ABI2: variants seen among roughly 807,000 people sequenced by gnomAD.
ABI2 encodes abl interactor 2.
A neutral mutation model predicts 59.2 loss-of-function variants in ABI2; 25 were observed. That is an observed-to-expected ratio of 0.42 (90% confidence interval 0.31 to 0.59). The LOEUF (loss-of-function observed/expected upper bound fraction) is 0.59, where lower values mean the gene tolerates loss of function less well. ABI2 is among the 20% of genes least tolerant of loss of function. The probability of loss-of-function intolerance (pLI) is 0.14; values close to 1 mark genes in which losing one functional copy is unlikely to be tolerated. For synonymous variants in ABI2, 213 were observed against 235.5 expected, an observed-to-expected ratio of 0.90 and a Z score of 0.87; for missense variants, 545 against 681.8, an observed-to-expected ratio of 0.80 and a Z score of 2.23.
chr2:203,335,620 C>T lies in ABI2; in HGVS notation c.117+6989C>T, dbSNP rs575367116. Among the ~76,000 whole-genome samples the T allele has an allele frequency of 8.5e-5, 13 of 152,110 alleles. No homozygotes were observed. In the East Asian group the frequency reaches 1.7e-3, roughly 20 times the overall value. On this transcript the variant is annotated intron_variant, in intron 1 of 11. Coordinates refer to ENST00000261018, the MANE Select transcript of ABI2 (RefSeq NM_001375670.1). ...TGTAAATTTACCTTGCAAGTTTTTTCCTATTTGATTTTTTGGTGACATTTA... is the reference window on the plus strand; with the variant it reads ...TGTAAATTTACCTTGCAAGTTTTTTTCTATTTGATTTTTTGGTGACATTTA...
intron 1 of ABI2, among the ~76,000 whole-genome samples, chr2:203,350,593 G>T (rs2152734257): frequency 6.7e-6 from 1 of 149,602 alleles, no homozygotes. Flanking sequence ...AGGCTAGAGT[G>T]TAGTGGCGTG....
chr2:203,352,356 TAACTG>T (rs1484082558), intron 1 of ABI2, among the ~76,000 whole-genome samples: 1 of 152,140 alleles, frequency 6.6e-6, no homozygotes, highest in Non-Finnish European at 1.5e-5. Context: ...AAAAAAAAGT[TAACTG>T]TAAAGGAGTC....
intron 3 of ABI2, among the ~76,000 whole-genome samples, chr2:203,381,005 GTATT>G (rs1320836537): frequency 6.6e-6 from 1 of 152,236 alleles, no homozygotes; most frequent in East Asian, 1.9e-4. Context: ...CTTTAGCTGA[GTATT>G]AATTTATGTC....
intron 1 of ABI2, among the ~76,000 whole-genome samples, chr2:203,363,828 G>A (rs1577083895): frequency 6.6e-6 from 1 of 151,960 alleles, no homozygotes; most frequent in African/African-American, 2.4e-5. Flanking sequence ...GCAATGGTGC[G>A]ATCTCGGCTC....
chr2:203,356,894 A>G (rs1379431256), intron 1 of ABI2, among the ~76,000 whole-genome samples: 1 of 152,102 alleles, frequency 6.6e-6, no homozygotes, highest in Non-Finnish European at 1.5e-5. Flanking sequence ...GATTATGCTT[A>G]CGTATGGTAC....
chr2:203,338,105 C>T (rs1359772432), intron 1 of ABI2, among the ~76,000 whole-genome samples: 3 of 152,100 alleles, frequency 2.0e-5, no homozygotes, highest in Non-Finnish European at 4.4e-5. Context: ...GAATGGAGCC[C>T]GGAAATGTAG....
chr2:203,345,214 A>G (rs1050394285), intron 1 of ABI2, among the ~76,000 whole-genome samples: 6 of 152,266 alleles, frequency 3.9e-5, no homozygotes, highest in Non-Finnish European at 7.4e-5. Flanking sequence ...CCACAAACTT[A>G]TCGGGAGGAA....
chr2:203,395,481 A>ACC (rs2096945320), intron 6 of ABI2, among the ~76,000 whole-genome samples, 175 bp from the exon 7 acceptor site: 3 of 150,486 alleles, frequency 2.0e-5, no homozygotes, highest in Non-Finnish European at 4.4e-5. Flanking sequence ...ACACACACAC[A>ACC]CACATTTTTT....
At chr2:203,345,161 C>G (rs1438517083) in intron 1 of ABI2, among the ~76,000 whole-genome samples, 2 of 152,198 alleles carry the variant, frequency 1.3e-5, no homozygotes, top group Non-Finnish European at 2.9e-5. Flanking sequence ...AGTTGTAACA[C>G]TCACATTGAA....
intron 2 of ABI2, among the ~76,000 whole-genome samples, chr2:203,378,755 C>A (rs912794308): frequency 3.9e-5 from 6 of 152,058 alleles, no homozygotes; most frequent in African/African-American, 1.4e-4. Flanking sequence ...AAAAATGTGT[C>A]TGTTGATTGC....
chr2:203,367,128 T>C (rs533498296), intron 2 of ABI2, 84 bp downstream of exon 2: 2 of 1,420,174 alleles, frequency 1.4e-6, no homozygotes, highest in East Asian at 5.1e-5. Flanking sequence ...CAGCTTTTAT[T>C]ATGTAAGTTA....
intron 1 of ABI2, among the ~76,000 whole-genome samples, chr2:203,338,924 GTGTGTA>G (rs2077726866): frequency 5.6e-5 from 5 of 89,208 alleles, no homozygotes; most frequent in East Asian, 9.6e-4. Flanking sequence ...GTGTGTGTGT[GTGTGTA>G]TATGTATATA....
At chr2:203,328,918 C>T (rs897613984) in intron 1 of ABI2, 2 of 264,572 alleles carry the variant, frequency 7.6e-6, no homozygotes, top group African/African-American at 2.2e-5. Flanking sequence ...CACTCCGCGC[C>T]GGTCAGCGTT....
At chr2:203,423,582 T>C (rs546388517) in intron 11 of ABI2, among the ~76,000 whole-genome samples, 8 of 152,306 alleles carry the variant, frequency 5.3e-5, no homozygotes, top group African/African-American at 1.2e-4. Flanking sequence ...CCGGCCACCA[T>C]GCCTGCTAAA....
intron 1 of ABI2, among the ~76,000 whole-genome samples, chr2:203,363,168 G>A (rs941514628): frequency 4.0e-5 from 6 of 151,582 alleles, no homozygotes; most frequent in Admixed American, 3.3e-4. Flanking sequence ...AAAATTTTTC[G>A]TGAGTATATA....
At chr2:203,344,840 C>CT (rs1559169400) in intron 1 of ABI2, among the ~76,000 whole-genome samples, 2 of 152,114 alleles carry the variant, frequency 1.3e-5, no homozygotes, top group Non-Finnish European at 2.9e-5. Context: ...TTTGTAAAAA[C>CT]GCACCAGTCA....
intron 2 of ABI2, among the ~76,000 whole-genome samples, chr2:203,379,280 C>G (rs1263299800): frequency 6.6e-6 from 1 of 152,170 alleles, no homozygotes; most frequent in East Asian, 1.9e-4. Flanking sequence ...CAGGGTCTTG[C>G]TCTGTCACCC....
Position 203,431,806 on chromosome 2 carries a change from G to C in ABI2, c.*4454G>C, listed in dbSNP as rs1253355204. The stretch of plus-strand genomic sequence containing the variant: ...GAAAAAAGAAAAACCAACAAAAAAA[G>C]CTTATTTTCACATTAAAATGAAACC... On this transcript the variant is annotated 3_prime_UTR_variant, in exon 12 of 12. Coordinates refer to ENST00000261018, the MANE Select transcript of ABI2 (RefSeq NM_001375670.1). 6.6e-6 allele frequency: 1 copy of C among 151,814 alleles called. No homozygotes were observed. Among genetic ancestry groups the C allele is most frequent in the Admixed American group, 6.6e-5 (1 of 15,242 alleles). The allele number at this position is 151,814 out of a possible 1,614,324, so 9.4% of individuals were successfully genotyped here. A position where few individuals can be genotyped will look rare whatever the true frequency, so the allele number is the denominator to read the frequency against.
At chr2:203,395,855 G>T (rs1301530367) in intron 7 of ABI2, 75 bp downstream of exon 7, 2 of 1,420,058 alleles carry the variant, frequency 1.4e-6, no homozygotes, top group African/African-American at 1.5e-5. Flanking sequence ...ATTATGGTGG[G>T]CTTTCTTCGT....
Sources: gnomAD v4.1 joint callset for allele counts (sites outside exome capture counted in the v4.1 genomes callset) on GRCh38, gnomAD v4.1.1 for gene constraint, MANE v1.5 for transcripts, NCBI Gene and HGNC (gene_info 2026-07-23, HGNC 2026-07-21) for gene names.